The following CPNE8 variants were observed in gnomAD, a reference collection of about 807,000 sequenced individuals.
CPNE8 encodes copine-8.
In CPNE8, 45 loss-of-function variants were observed where a neutral mutation model predicts 81.5. That is an observed-to-expected ratio of 0.55 (90% CI 0.44 to 0.71). The LOEUF is 0.71. CPNE8 is among the 30% of genes least tolerant of loss of function. CPNE8 has a pLI of 0.00. For synonymous variants in CPNE8, 252 were observed against 226.3 expected, an observed-to-expected ratio of 1.11 and a Z score of -1.02; for missense variants, 594 against 672.1, an observed-to-expected ratio of 0.88 and a Z score of 1.28.
At chr12:38,898,821 A>G (rs1944422356) in intron 1 of CPNE8, among the ~76,000 whole-genome samples, 1 of 152,222 alleles carries the variant, frequency 6.6e-6, no homozygotes, top group Non-Finnish European at 1.5e-5. Context: ...TCTCTCTTGG[A>G]ATCTAACTTT....
intron 19 of CPNE8, among the ~76,000 whole-genome samples, chr12:38,654,922 G>A (rs1253503314): frequency 6.6e-6 from 1 of 152,026 alleles, no homozygotes; most frequent in East Asian, 1.9e-4. Flanking sequence ...AGACAAAATC[G>A]CATGGACTAT....
intron 6 of CPNE8, among the ~76,000 whole-genome samples, chr12:38,807,942 G>A (rs1250349489): frequency 6.6e-6 from 1 of 151,854 alleles, no homozygotes; most frequent in Non-Finnish European, 1.5e-5. Context: ...AGTGGGCAAA[G>A]GATATGAACA....
intron 3 of CPNE8, among the ~76,000 whole-genome samples, chr12:38,853,478 C>A (rs1943680451): frequency 1.3e-5 from 2 of 151,804 alleles, no homozygotes. Flanking sequence ...GGAAGCCAAG[C>A]ACTTTTACAT....
intron 6 of CPNE8, among the ~76,000 whole-genome samples, chr12:38,797,488 C>T (rs1942519972): frequency 6.6e-6 from 1 of 152,144 alleles, no homozygotes; most frequent in Non-Finnish European, 1.5e-5. Context: ...AGCTGAGGGT[C>T]CTGTCTGTTA....
chr12:38,743,096 T>C (rs1280549922), intron 10 of CPNE8, among the ~76,000 whole-genome samples: 3 of 152,086 alleles, frequency 2.0e-5, no homozygotes, highest in African/African-American at 7.2e-5. Context: ...AAATCTTACA[T>C]TAATTTGATA....
At chr12:38,752,666 A>G (rs922063101) in intron 10 of CPNE8, among the ~76,000 whole-genome samples, 2 of 152,212 alleles carry the variant, frequency 1.3e-5, no homozygotes, top group South Asian at 2.1e-4. Context: ...ATCAAATATC[A>G]AGAAATATGC....
intron 19 of CPNE8, among the ~76,000 whole-genome samples, chr12:38,657,302 C>A (rs749958435): frequency 6.6e-6 from 1 of 152,094 alleles, no homozygotes; most frequent in Non-Finnish European, 1.5e-5. Context: ...GATCGACCTG[C>A]GAGGCTGCAG....
chr12:38,825,073 G>A (rs980933230), intron 6 of CPNE8, among the ~76,000 whole-genome samples: 1 of 152,168 alleles, frequency 6.6e-6, no homozygotes. Flanking sequence ...AGATAGAAGA[G>A]CTATACCATA....
At chr12:38,710,356 G>A (rs11169214) in intron 13 of CPNE8, among the ~76,000 whole-genome samples, 1 of 149,982 alleles carries the variant, frequency 6.7e-6, no homozygotes, top group East Asian at 2.0e-4. Flanking sequence ...AGGTGCCAGA[G>A]AGGTAATGCC....
chr12:38,656,133 T>C (rs1171186132), intron 19 of CPNE8, among the ~76,000 whole-genome samples: 1 of 149,902 alleles, frequency 6.7e-6, no homozygotes, highest in Admixed American at 6.6e-5. Context: ...AAAAAACAAA[T>C]TGAGGTTAAT....
intron 19 of CPNE8, among the ~76,000 whole-genome samples, chr12:38,660,522 A>T (rs1189716410): frequency 6.6e-6 from 1 of 152,204 alleles, no homozygotes; most frequent in East Asian, 1.9e-4. Context: ...CTAGAAGAAA[A>T]CCTAGGCAAT....
intron 15 of CPNE8, among the ~76,000 whole-genome samples, chr12:38,692,632 G>T (rs1407515258): frequency 6.6e-6 from 1 of 152,128 alleles, no homozygotes; most frequent in African/African-American, 2.4e-5. Flanking sequence ...AGGCAGCAAA[G>T]GAGAGAATTA....
chr12:38,654,962 T>C (rs1204372638), intron 19 of CPNE8, among the ~76,000 whole-genome samples: 2 of 152,160 alleles, frequency 1.3e-5, no homozygotes, highest in Non-Finnish European at 2.9e-5. Context: ...CTCATATTAA[T>C]AGGAAGCTGA....
chr12:38,788,716 T>A lies in CPNE8; in HGVS notation c.408-12415A>T, dbSNP rs144445655. Among the ~76,000 whole-genome samples the A allele has an allele frequency of 1.9e-3, 284 of 151,938 alleles. 1 individual carries two copies. The highest frequency in any genetic ancestry group is 6.6e-3 in the African/African-American group (275 of 41,532). ...ATATGGTCTTATATTTAGAAAAACCTGAAGATGCCACACAAAAAAACTATT... is the reference window on the plus strand; with the variant it reads ...ATATGGTCTTATATTTAGAAAAACCAGAAGATGCCACACAAAAAAACTATT... On this transcript the variant is annotated intron_variant, in intron 6 of 19. Coordinates refer to ENST00000331366, the MANE Select transcript of CPNE8 (RefSeq NM_153634.3).
At chr12:38,663,921 G>A (rs1304456706) in intron 19 of CPNE8, among the ~76,000 whole-genome samples, 1 of 152,038 alleles carries the variant, frequency 6.6e-6, no homozygotes, top group South Asian at 2.1e-4. Context: ...AGCTAAAAAA[G>A]TTGATCTCAT....
At chr12:38,789,841 T>C (rs553894632) in intron 6 of CPNE8, among the ~76,000 whole-genome samples, 60 of 151,954 alleles carry the variant, frequency 3.9e-4, no homozygotes, top group Middle Eastern at 3.4e-3. Flanking sequence ...AACAGGCATA[T>C]GAAAAGGTGC....
intron 6 of CPNE8, 90 bp downstream of exon 6, chr12:38,829,289 G>T (rs1345749913): frequency 9.0e-6 from 7 of 775,122 alleles, no homozygotes; most frequent in Non-Finnish European, 1.5e-5. Context: ...ACCCACTTTT[G>T]CTCCACAACC....
At chr12:38,826,078 G>A (rs1321884782) in intron 6 of CPNE8, among the ~76,000 whole-genome samples, 1 of 152,006 alleles carries the variant, frequency 6.6e-6, no homozygotes, top group Non-Finnish European at 1.5e-5. Context: ...CCATCTCTTT[G>A]CTACACTCAA....
At chr12:38,756,857 G>A (rs1056586656) in intron 10 of CPNE8, among the ~76,000 whole-genome samples, 1 of 152,122 alleles carries the variant, frequency 6.6e-6, no homozygotes, top group Non-Finnish European at 1.5e-5. Context: ...TAGGTAGTCT[G>A]AATTGAGATG....
Sources: allele counts gnomAD v4.1 joint callset (sites outside exome capture counted in the v4.1 genomes callset), GRCh38; gene constraint gnomAD v4.1.1; transcripts MANE v1.5; gene names NCBI Gene and HGNC (gene_info 2026-07-23, HGNC 2026-07-21).